SND1: variants seen among roughly 807,000 people sequenced by gnomAD.
SND1 encodes the protein staphylococcal nuclease domain-containing protein 1.
A neutral mutation model predicts 121.7 loss-of-function variants in SND1; 38 were observed. That is an observed-to-expected ratio of 0.31 (90% CI 0.24 to 0.41). SND1 has a LOEUF of 0.41. Among genes scored for constraint, SND1 ranks in the 10% least tolerant of loss-of-function variants. The pLI, the probability that SND1 is intolerant of heterozygous loss-of-function variation, is 1.00. For missense variants in SND1, 868 were observed against 1,184.6 expected (o/e 0.73, Z 3.92); for synonymous variants, 401 against 447.4 (o/e 0.90, Z 1.31).
chr7:127,758,412 G>C (rs1797238627), intron 10 of SND1, among the ~76,000 whole-genome samples: 1 of 152,160 alleles, frequency 6.6e-6, no homozygotes, highest in Non-Finnish European at 1.5e-5. Context: ...TAGAAAGTCA[G>C]TTAGAAAAGA....
intron 12 of SND1, chr7:127,858,365 A>G: frequency 7.4e-7 from 1 of 1,356,728 alleles, no homozygotes; most frequent in Non-Finnish European, 1.0e-6. Context: ...TGCCCTAGCC[A>G]CTGTCTCTCT....
intron 16 of SND1, among the ~76,000 whole-genome samples, chr7:127,993,128 A>G (rs1349516002): frequency 2.0e-5 from 3 of 152,208 alleles, no homozygotes; most frequent in Non-Finnish European, 2.9e-5. Context: ...AAATGTGAGT[A>G]TGTCCTAAAC....
intron 13 of SND1, among the ~76,000 whole-genome samples, chr7:127,893,316 C>T (rs908016008): frequency 3.9e-5 from 6 of 152,116 alleles, no homozygotes; most frequent in South Asian, 2.1e-4. Flanking sequence ...GTTTAGAGTC[C>T]GATCAAAACG....
At chr7:128,022,984 G>A (rs755499969) in intron 16 of SND1, among the ~76,000 whole-genome samples, 10 of 152,004 alleles carry the variant, frequency 6.6e-5, no homozygotes, top group Non-Finnish European at 1.0e-4. Flanking sequence ...TTCTTTCTTC[G>A]CCTCTCTTGG....
intron 13 of SND1, among the ~76,000 whole-genome samples, chr7:127,900,086 GT>G (rs1186257413): frequency 1.3e-5 from 2 of 152,114 alleles, no homozygotes; most frequent in African/African-American, 4.8e-5. Flanking sequence ...ATGTATGAAA[GT>G]AGTTCTTTTT....
At chr7:127,858,661 G>A (rs1183151691) in intron 12 of SND1, among the ~76,000 whole-genome samples, 1 of 152,182 alleles carries the variant, frequency 6.6e-6, no homozygotes, top group African/African-American at 2.4e-5. Flanking sequence ...TAGTATGTAG[G>A]CCATAAACCA....
At chr7:127,859,300 C>G (rs941720917) in intron 12 of SND1, among the ~76,000 whole-genome samples, 1 of 152,158 alleles carries the variant, frequency 6.6e-6, no homozygotes, top group Non-Finnish European at 1.5e-5. Context: ...GCAGGGGGCT[C>G]TTGTCATCAC....
chr7:127,848,062 C>T (rs1799098572), intron 12 of SND1, among the ~76,000 whole-genome samples: 1 of 152,126 alleles, frequency 6.6e-6, no homozygotes, highest in Non-Finnish European at 1.5e-5. Context: ...TTGTCCTGGC[C>T]TTCTTGTTTC....
intron 14 of SND1, among the ~76,000 whole-genome samples, chr7:127,928,751 G>C (rs915598927): frequency 6.6e-6 from 1 of 152,040 alleles, no homozygotes; most frequent in Admixed American, 6.6e-5. Context: ...ACCATGCCCG[G>C]CTAATTTTTT....
At chr7:127,954,604 C>T (rs1358579389) in intron 15 of SND1, among the ~76,000 whole-genome samples, 1 of 152,100 alleles carries the variant, frequency 6.6e-6, no homozygotes, top group Non-Finnish European at 1.5e-5. Context: ...TTTGTGTTGG[C>T]AGAAGTTAGG....
intron 10 of SND1, among the ~76,000 whole-genome samples, chr7:127,757,595 G>A (rs770149127): frequency 6.6e-6 from 1 of 152,186 alleles, no homozygotes; most frequent in Non-Finnish European, 1.5e-5. Context: ...TCTGTTTATA[G>A]TGGCATCTCA....
At position 128,012,710 on chromosome 7, in the gene SND1, C is replaced by G. The variant is rs369681169; in HGVS notation, c.1779+21654C>G. On this transcript the variant is annotated intron_variant, in intron 16 of 23. Transcript: ENST00000354725. ...CCAACCTAAATGGAGCTCTGGAGCTCAGGCTGGAAGCTTCCATGCTACATT... is the reference window on the plus strand; with the variant it reads ...CCAACCTAAATGGAGCTCTGGAGCTGAGGCTGGAAGCTTCCATGCTACATT... 3.5e-4 allele frequency among the ~76,000 whole-genome samples: 53 copies of G among 152,328 alleles called. 1 individual carries two copies. In the South Asian group the frequency reaches 9.9e-3, roughly 29 times the overall value.
chr7:128,089,216 GC>G (rs1793735251), intron 21 of SND1, among the ~76,000 whole-genome samples: 1 of 152,118 alleles, frequency 6.6e-6, no homozygotes, highest in South Asian at 2.1e-4. Context: ...CCCATGCCCA[GC>G]TAATTTTTGT....
chr7:128,055,189 G>C (rs1001466850), intron 16 of SND1, among the ~76,000 whole-genome samples: 3 of 152,162 alleles, frequency 2.0e-5, no homozygotes, highest in African/African-American at 7.2e-5. Flanking sequence ...TCAGGGGGTT[G>C]GGAGGCAGGA....
intron 9 of SND1, among the ~76,000 whole-genome samples, chr7:127,716,872 A>G (rs543015046): frequency 6.6e-6 from 1 of 152,290 alleles, no homozygotes; most frequent in Non-Finnish European, 1.5e-5. Context: ...GCCTTTTGCC[A>G]TTTGACTTTC....
At position 127,959,941 on chromosome 7, in the gene SND1, G is replaced by C. The variant is rs116170906; in HGVS notation, c.1669+30612G>C. Among the ~76,000 whole-genome samples, 700 of 152,280 alleles carry C rather than the reference G, an allele frequency of 4.6e-3. 3 individuals are homozygous for C. Among genetic ancestry groups the C allele is most frequent in the African/African-American group, 0.013 (533 of 41,546 alleles). ...CAGTTTTCATTTCACTCATTACTGGGTAAACATCACCCAGCAGAAGAGTTC... is the reference window on the plus strand; with the variant it reads ...CAGTTTTCATTTCACTCATTACTGGCTAAACATCACCCAGCAGAAGAGTTC... On this transcript the variant is annotated intron_variant, in intron 15 of 23. Transcript: ENST00000354725.
At chr7:128,011,275 C>T (rs1434917340) in intron 16 of SND1, among the ~76,000 whole-genome samples, 5 of 152,120 alleles carry the variant, frequency 3.3e-5, no homozygotes, top group Non-Finnish European at 5.9e-5. Flanking sequence ...TGCAGAGGTG[C>T]TTGAGGGCCC....
intron 9 of SND1, among the ~76,000 whole-genome samples, chr7:127,713,400 G>A (rs1484883774): frequency 2.0e-5 from 3 of 152,198 alleles, no homozygotes; most frequent in African/African-American, 7.2e-5. Flanking sequence ...TAAAATATCT[G>A]TTAGTGGCAA....
At chr7:127,662,009 A>G (rs959050994) in intron 1 of SND1, among the ~76,000 whole-genome samples, 1 of 152,154 alleles carries the variant, frequency 6.6e-6, no homozygotes, top group Non-Finnish European at 1.5e-5. Context: ...CCGGTTACTC[A>G]AGAGGCTGAG....
Sources: allele counts gnomAD v4.1 joint callset (sites outside exome capture counted in the v4.1 genomes callset), GRCh38; gene constraint gnomAD v4.1.1; transcripts MANE v1.5; gene names NCBI Gene and HGNC (gene_info 2026-07-23, HGNC 2026-07-21).